HELQ: variants seen among roughly 807,000 people sequenced by gnomAD.
The protein encoded by HELQ is helicase POLQ-like.
Under a neutral mutation model 111.6 loss-of-function variants are expected in HELQ, and 77 were observed. The ratio of observed to expected loss-of-function variants is 0.69; its 90% CI spans 0.57 to 0.83. HELQ has a LOEUF of 0.83. HELQ is among the 40% of genes least tolerant of loss of function. The pLI, the probability that HELQ is intolerant of heterozygous loss-of-function variation, is 0.00. For missense variants in HELQ, 1,200 were observed against 1,288.5 expected, an observed-to-expected ratio of 0.93 and a Z score of 1.05; for synonymous variants, 438 against 454.7, an observed-to-expected ratio of 0.96 and a Z score of 0.47.
At chr4:83,422,307 T>C (rs1291178532) in intron 14 of HELQ, among the ~76,000 whole-genome samples, 1 of 152,156 alleles carries the variant, frequency 6.6e-6, no homozygotes, top group Non-Finnish European at 1.5e-5. Context: ...AGGGAAGGAA[T>C]TGTACCCCCT....
Position 83,448,188 on chromosome 4 carries a change from C to T in HELQ, c.1191+595G>A, listed in dbSNP as rs547798497. Among the ~76,000 whole-genome samples, 46 of 149,356 alleles carry T rather than the reference C, an allele frequency of 3.1e-4. No homozygotes were observed. In the South Asian group the frequency reaches 9.4e-3, roughly 31 times the overall value. ...TTGTGCCACTGCACTCCAGCCTGGG[C>T]GACAGAGGGAGACTACATCTCAAAA... On this transcript the variant is annotated intron_variant, in intron 3 of 17. Coordinates refer to ENST00000295488, the MANE Select transcript of HELQ (RefSeq NM_133636.5).
At chr4:83,421,382 T>C (rs1485391476) in intron 15 of HELQ, among the ~76,000 whole-genome samples, 181 bp downstream of exon 15, 3 of 152,230 alleles carry the variant, frequency 2.0e-5, no homozygotes, top group African/African-American at 7.2e-5. Flanking sequence ...AAGTACATAA[T>C]AGTAGTTTCA....
intron 6 of HELQ, among the ~76,000 whole-genome samples, chr4:83,442,582 T>C (rs1225080211): frequency 6.6e-6 from 1 of 151,044 alleles, no homozygotes; most frequent in Non-Finnish European, 1.5e-5. Context: ...CTGCTAATTT[T>C]TGTATTTTTT....
chr4:83,433,665 CA>C (rs1175098887), intron 9 of HELQ, among the ~76,000 whole-genome samples: 5,183 of 47,056 alleles, frequency 0.11, 162 homozygotes, highest in African/African-American at 0.3. Flanking sequence ...GACTCCGTCT[CA>C]AAAAAAAAAA....
intron 17 of HELQ, among the ~76,000 whole-genome samples, chr4:83,411,037 G>A (rs557025528): frequency 5.3e-5 from 8 of 151,334 alleles, no homozygotes; most frequent in Middle Eastern, 6.8e-3. Flanking sequence ...GTGCATGCCT[G>A]TGGTCCCAGC....
chr4:83,415,893 T>C (rs1739328606), intron 17 of HELQ, among the ~76,000 whole-genome samples: 1 of 151,526 alleles, frequency 6.6e-6, no homozygotes, highest in African/African-American at 2.4e-5. Flanking sequence ...GTGATCCACC[T>C]GCCTTGGCCT....
At chr4:83,422,390 C>T (rs931555301) in intron 14 of HELQ, among the ~76,000 whole-genome samples, 2 of 152,070 alleles carry the variant, frequency 1.3e-5, no homozygotes, top group African/African-American at 4.8e-5. Context: ...TACTTGGAAA[C>T]AAGATATTTG....
chr4:83,448,494 A>G (rs866531552), intron 3 of HELQ, among the ~76,000 whole-genome samples: 5 of 151,318 alleles, frequency 3.3e-5, no homozygotes, highest in African/African-American at 9.7e-5. Context: ...ATATGGTGAA[A>G]CCCCGCCTCT....
chr4:83,424,701 G>A (rs1719749637), intron 14 of HELQ, among the ~76,000 whole-genome samples: 1 of 152,092 alleles, frequency 6.6e-6, no homozygotes, highest in Non-Finnish European at 1.5e-5. Flanking sequence ...GGGATTACAG[G>A]TGCCCACCAC....
chr4:83,429,839 C>G lies in HELQ; in HGVS notation c.2296-93G>C, dbSNP rs984585920. 6 of 694,720 alleles carry G rather than the reference C, an allele frequency of 8.6e-6. No individual in the cohort carries two copies. In the African/African-American group the frequency reaches 1.1e-4, roughly 13 times the overall value. The allele number at this position is 694,720 out of a possible 1,614,324, so 43.0% of individuals were successfully genotyped here. On this transcript the variant is annotated intron_variant, in intron 11 of 17. Transcript: ENST00000295488. Reference sequence around the variant, plus strand: ...ATCAAGATAACTCATTTCCATACCTCAAAGCTATTTAAATAAAAAATTAGT... The same window carrying G: ...ATCAAGATAACTCATTTCCATACCTGAAAGCTATTTAAATAAAAAATTAGT...
intron 9 of HELQ, among the ~76,000 whole-genome samples, chr4:83,435,538 C>A (rs539763071): frequency 6.7e-6 from 1 of 149,216 alleles, no homozygotes; most frequent in African/African-American, 2.5e-5. Flanking sequence ...CCCCCTAAAG[C>A]GGTATTCTAA....
chr4:83,410,005 C>A (rs1308301199), intron 17 of HELQ, among the ~76,000 whole-genome samples: 3 of 152,080 alleles, frequency 2.0e-5, no homozygotes, highest in African/African-American at 7.2e-5. Flanking sequence ...AATCCCAGCA[C>A]TTTGGGAGGT....
chr4:83,452,448 G>A (rs1721439597), intron 2 of HELQ, among the ~76,000 whole-genome samples: 1 of 152,190 alleles, frequency 6.6e-6, no homozygotes, highest in Non-Finnish European at 1.5e-5. Context: ...TGGTGGCAGG[G>A]ATGCACCCGT....
At chr4:83,423,902 G>C (rs138935654) in intron 14 of HELQ, among the ~76,000 whole-genome samples, 1 of 151,378 alleles carries the variant, frequency 6.6e-6, no homozygotes, top group East Asian at 1.9e-4. Flanking sequence ...TGGGCGACAA[G>C]AGCGAGACTC....
rs1256238029 is a variant in HELQ, at chr4:83,427,611, ATAGGGGGTTGT to A, written c.2617_2627del (p.Thr873Ter). 6.2e-7 allele frequency: 1 copy of A among 1,604,432 alleles called. No homozygotes were observed. The highest frequency in any genetic ancestry group is 8.5e-7 in the Non-Finnish European group (1 of 1,176,264). On this transcript the variant is annotated frameshift_variant, in exon 13 of 18. Coordinates refer to ENST00000295488, the MANE Select transcript of HELQ (RefSeq NM_133636.5). LOFTEE classifies it high-confidence loss of function. ...CAGGGTTACACTGTGAAACCAGATCATAGGGGGTTGTTAGGTAGATTAGATGAAGAAGGCTT... is the reference window on the plus strand; with the variant it reads ...CAGGGTTACACTGTGAAACCAGATCATAGGTAGATTAGATGAAGAAGGCTT...
At chr4:83,450,573 T>C (rs936753015) in intron 2 of HELQ, among the ~76,000 whole-genome samples, 4 of 151,528 alleles carry the variant, frequency 2.6e-5, no homozygotes, top group African/African-American at 9.7e-5. Flanking sequence ...TATGCCAAAG[T>C]ATAACTTAAC....
rs1301203996 is a variant in HELQ, at chr4:83,455,648, T to A, written c.46A>T (p.Lys16Ter). ...CACCCCAAGCTTGGACGGTTCCTTT[T>A]GGGGAGAGACACCCGCCGGCGGATG... ...SRIRRRVSLPKRNRPSLGCIF... is the reference protein window; with the variant it reads ...SRIRRRVSLP Residue 16 changes from lysine to a stop codon, truncating the protein, a stop_gained, in exon 1 of 18, where the codon AAA becomes TAA. Transcript: ENST00000295488. LOFTEE classifies it high-confidence loss of function. The A allele has an allele frequency of 1.2e-6, 2 of 1,612,750 alleles. No homozygotes were observed. Among genetic ancestry groups the A allele is most frequent in the African/African-American group, 1.3e-5 (1 of 75,002 alleles).
Position 83,451,675 on chromosome 4 carries a change from A to AAAAAAC in HELQ, c.1012+1550_1012+1555dup, listed in dbSNP as rs563677908. 5.3e-5 allele frequency among the ~76,000 whole-genome samples: 8 copies of AAAAAAC among 151,880 alleles called. No homozygotes were observed. The East Asian group carries it at 7.7e-4, about 15-fold the overall frequency. On this transcript the variant is annotated intron_variant, in intron 2 of 17. Coordinates refer to ENST00000295488, the MANE Select transcript of HELQ (RefSeq NM_133636.5). ...CGAGACTCCGTCTCAAAAAAAAACA[A>AAAAAAC]AAAAACAAAAACAAAAACAAAAAGA...
chr4:83,430,876 G>A (rs1320117666), intron 11 of HELQ, among the ~76,000 whole-genome samples: 1 of 151,332 alleles, frequency 6.6e-6, no homozygotes, highest in Non-Finnish European at 1.5e-5. Flanking sequence ...GTTAACACTG[G>A]GGGTGGAAGA....
Sources: allele counts gnomAD v4.1 joint callset (sites outside exome capture counted in the v4.1 genomes callset), GRCh38; gene constraint gnomAD v4.1.1; transcripts MANE v1.5; gene names NCBI Gene and HGNC (gene_info 2026-07-23, HGNC 2026-07-21).